Variants in SIMC1 observed in about 807,000 individuals in gnomAD.
SIMC1 encodes SUMO-interacting motif-containing protein 1.
SIMC1 carries 55 observed loss-of-function variants against 82.3 expected under a neutral mutation model. The observed-to-expected ratio is 0.67, with a 90% CI of 0.54 to 0.84. The LOEUF (loss-of-function observed/expected upper bound fraction) is 0.84. SIMC1 is among the 40% of genes least tolerant of loss of function. The pLI, the probability that SIMC1 is intolerant of heterozygous loss-of-function variation, is 0.00. For synonymous variants in SIMC1, 353 were observed against 426.3 expected (o/e 0.83, Z 2.12); for missense variants, 915 against 1,107.2 (o/e 0.83, Z 2.46).
intron 1 of SIMC1, among the ~76,000 whole-genome samples, chr5:176,253,720 A>G (rs572920491): frequency 1.7e-3 from 257 of 152,336 alleles, no homozygotes; most frequent in Middle Eastern, 0.01. Flanking sequence ...TATCAGTTCC[A>G]TAGGTGTTTC....
At chr5:176,302,529 C>A (rs1324540095) in intron 4 of SIMC1, among the ~76,000 whole-genome samples, 1 of 152,112 alleles carries the variant, frequency 6.6e-6, no homozygotes, top group Non-Finnish European at 1.5e-5. Context: ...TTCTATTCAA[C>A]ATAGTACCTC....
In SIMC1 at chr5:176,322,253, C is replaced by T. The variant is rs199680642; in HGVS notation, c.1890-20C>T. 5.7e-4 allele frequency: 872 copies of T among 1,529,468 alleles called. No individual in the cohort carries two copies. Among genetic ancestry groups the T allele is most frequent in the Non-Finnish European group, 7.2e-4 (817 of 1,137,754 alleles). The allele number at this position is 1,529,468 out of a possible 1,614,324, so 94.7% of individuals were successfully genotyped here. Reference sequence around the variant, plus strand: ...CAGAAAAAGAAAGAATAAACCTTTTCTTTCTTTTTTCCATTACAGGGATGT... The same window carrying T: ...CAGAAAAAGAAAGAATAAACCTTTTTTTTCTTTTTTCCATTACAGGGATGT... On this transcript the variant is annotated intron_variant, in intron 5 of 9. Transcript: ENST00000429602.
intron 1 of SIMC1, among the ~76,000 whole-genome samples, chr5:176,287,224 C>T (rs1456786245): frequency 6.6e-6 from 1 of 152,160 alleles, no homozygotes; most frequent in East Asian, 1.9e-4. Flanking sequence ...GACTTGGAAC[C>T]AACCCAAATA....
chr5:176,320,331 T>TTTTTTTTA (rs778620094), intron 5 of SIMC1, among the ~76,000 whole-genome samples: 15 of 140,374 alleles, frequency 1.1e-4, no homozygotes, highest in African/African-American at 2.7e-4. Context: ...AGCCATCCTA[T>TTTTTTTTA]TTTATTTATT....
chr5:176,309,887 A>T (rs1392280048), intron 4 of SIMC1, among the ~76,000 whole-genome samples: 1 of 152,142 alleles, frequency 6.6e-6, no homozygotes, highest in Non-Finnish European at 1.5e-5. Context: ...GTGAGCTATG[A>T]TCACACCACC....
intron 1 of SIMC1, among the ~76,000 whole-genome samples, chr5:176,268,522 A>T (rs922498879): frequency 6.6e-6 from 1 of 150,762 alleles, no homozygotes; most frequent in Admixed American, 6.6e-5. Context: ...AGAAATTTGT[A>T]GTAACTCTAT....
chr5:176,281,076 C>T (rs1248252570), intron 1 of SIMC1, among the ~76,000 whole-genome samples: 16 of 152,338 alleles, frequency 1.1e-4, no homozygotes, highest in African/African-American at 3.6e-4. Flanking sequence ...ACCAATCAGA[C>T]GTAGATTTGT....
chr5:176,255,451 C>T (rs1029708418), intron 1 of SIMC1, among the ~76,000 whole-genome samples: 5 of 151,746 alleles, frequency 3.3e-5, no homozygotes, highest in East Asian at 1.9e-4. Context: ...GGTGTAGTGG[C>T]GCACATTCGT....
chr5:176,324,757 G>A lies in SIMC1; in HGVS notation c.2171G>A (p.Arg724Lys). The A allele has an allele frequency of 6.3e-7, 1 of 1,587,472 alleles. No individual in the cohort carries two copies. Among genetic ancestry groups the A allele is most frequent in the Non-Finnish European group, 8.6e-7 (1 of 1,166,700 alleles). Reference protein sequence around the residue: ...FVLDIPERSQREMFFTTMESH... With the variant: ...FVLDIPERSQKEMFFTTMESH... ...CTGGACATTCCTGAGAGGAGCCAGAGGTGAGTCTTGATTTTGTTGGGGAGA... is the reference window on the plus strand; with the variant it reads ...CTGGACATTCCTGAGAGGAGCCAGAAGTGAGTCTTGATTTTGTTGGGGAGA... Residue 724 changes from arginine (R) to lysine (K), a missense_variant and splice_region_variant, in exon 7 of 10, where the codon AGA becomes AAA. Physicochemically the swap from Arg to Lys is conservative, Grantham distance 26 (BLOSUM62 2). Transcript: ENST00000429602.
chr5:176,344,159 T>C (rs766045548), intron 9 of SIMC1, among the ~76,000 whole-genome samples: 56 of 152,214 alleles, frequency 3.7e-4, no homozygotes, highest in Middle Eastern at 3.4e-3. Context: ...TTTTAGGTAG[T>C]TGATTTTAGA....
rs184806899 is a variant in SIMC1 at position 176,296,956 on chromosome 5, C to T, written c.1734+636C>T. On this transcript the variant is annotated intron_variant, in intron 4 of 9. Transcript: ENST00000429602. ...AATGTAAGAGTGATGACTGATGAGC[C>T]GGGCAGAGAAAGCCACATATATGTA... Among the ~76,000 whole-genome samples, 824 of 152,130 alleles carry T rather than the reference C, an allele frequency of 5.4e-3. 10 individuals carry two copies. Among genetic ancestry groups the T allele is most frequent in the African/African-American group, 0.019 (793 of 41,490 alleles).
At chr5:176,301,701 C>G (rs4457101) in intron 4 of SIMC1, among the ~76,000 whole-genome samples, 88,612 of 151,494 alleles carry the variant, frequency 0.58, 26,022 homozygotes, top group Middle Eastern at 0.63. Flanking sequence ...ATCACCTGAA[C>G]CCGGGAGGCA....
intron 4 of SIMC1, chr5:176,308,305 G>A (rs1442681708): frequency 2.8e-5 from 41 of 1,460,024 alleles, no homozygotes; most frequent in Non-Finnish European, 3.2e-5. Context: ...TCATCTTAAC[G>A]ACGTTCTGAT....
At chr5:176,336,664 A>G in intron 7 of SIMC1, 56 bp from the exon 8 acceptor site, 2 of 1,590,412 alleles carry the variant, frequency 1.3e-6, no homozygotes, top group South Asian at 1.1e-5. Context: ...ATTGTGGCTC[A>G]TGTTCTTTGA....
intron 1 of SIMC1, among the ~76,000 whole-genome samples, chr5:176,255,294 C>A (rs1422201514): frequency 2.0e-5 from 3 of 150,774 alleles, no homozygotes; most frequent in Non-Finnish European, 4.4e-5. Context: ...AAAACGTTAT[C>A]TTCAAGACCA....
intron 4 of SIMC1, among the ~76,000 whole-genome samples, chr5:176,306,919 A>AT (rs201904455): frequency 0.22 from 21,121 of 97,394 alleles, 1,508 homozygotes; most frequent in Middle Eastern, 0.35. Context: ...AAAAAAATAA[A>AT]TTAAAAAAAA....
intron 1 of SIMC1, among the ~76,000 whole-genome samples, chr5:176,289,409 G>A (rs577420500): frequency 6.7e-6 from 1 of 148,772 alleles, no homozygotes; most frequent in Admixed American, 6.8e-5. Flanking sequence ...TGTCCTCCTT[G>A]GACCAGAAAA....
At position 176,322,334 on chromosome 5, in the gene SIMC1, G is replaced by A; in HGVS notation, c.1951G>A (p.Gly651Arg). Reference protein sequence around the residue: ...TEDGLTQPPNGNQTSSGTGIL... With the variant: ...TEDGLTQPPNRNQTSSGTGIL... ...AGATGGATTGACTCAGCCCCCAAATGGAAATCAAACGTCTTCAGGAACAGG... is the reference window on the plus strand; with the variant it reads ...AGATGGATTGACTCAGCCCCCAAATAGAAATCAAACGTCTTCAGGAACAGG... Residue 651 changes from glycine (G) to arginine (R), a missense_variant, in exon 6 of 10, where the codon GGA becomes AGA. Physicochemically the swap from Gly to Arg is moderately radical, Grantham distance 125. Transcript: ENST00000429602. The A allele has an allele frequency of 6.3e-7, 1 of 1,592,748 alleles. No individual in the cohort carries two copies. Among genetic ancestry groups the A allele is most frequent in the African/African-American group, 1.3e-5 (1 of 74,630 alleles).
intron 6 of SIMC1, among the ~76,000 whole-genome samples, chr5:176,324,311 G>A (rs1374001635): frequency 6.6e-6 from 1 of 152,206 alleles, no homozygotes; most frequent in African/African-American, 2.4e-5. Context: ...TTATAGATTA[G>A]ATGATCCTTA....
Sources: allele counts gnomAD v4.1 joint callset (sites outside exome capture counted in the v4.1 genomes callset), GRCh38; gene constraint gnomAD v4.1.1; transcripts MANE v1.5; gene names NCBI Gene and HGNC (gene_info 2026-07-23, HGNC 2026-07-21).